GPC6: variants seen among roughly 807,000 people sequenced by gnomAD.
GPC6 encodes the protein glypican 6.
Under a neutral mutation model 55.2 loss-of-function variants are expected in GPC6, and 14 were observed. The ratio of observed to expected loss-of-function variants is 0.25; its 90% confidence interval spans 0.17 to 0.40. The LOEUF (loss-of-function observed/expected upper bound fraction) is 0.40. GPC6 is among the 10% of genes least tolerant of loss of function. The probability of loss-of-function intolerance (pLI) is 1.00; values close to 1 mark genes in which losing one functional copy is unlikely to be tolerated. For synonymous variants in GPC6, 278 were observed against 259.6 expected (o/e 1.07, Z -0.68); for missense variants, 641 against 708.5 (o/e 0.90, Z 1.08).
At chr13:94,253,741 A>ACT (rs1197865785) in intron 4 of GPC6, among the ~76,000 whole-genome samples, 2 of 152,094 alleles carry the variant, frequency 1.3e-5, no homozygotes, top group African/African-American at 2.4e-5. Flanking sequence ...GAAACCCAAG[A>ACT]CTAGATCAGG....
intron 1 of GPC6, among the ~76,000 whole-genome samples, chr13:93,337,786 G>T (rs1383701944): frequency 6.6e-6 from 1 of 152,154 alleles, no homozygotes; most frequent in African/African-American, 2.4e-5. Flanking sequence ...GGATCACAGG[G>T]TTTCCACTAC....
At chr13:94,401,936 TGATTGATTGATA>T (rs1283033480) in intron 8 of GPC6, among the ~76,000 whole-genome samples, 2 of 150,300 alleles carry the variant, frequency 1.3e-5, no homozygotes, top group East Asian at 3.9e-4. Context: ...TATGATTGAT[TGATTGATTGATA>T]GATAGATAGA....
chr13:94,166,127 C>T (rs1323343637), intron 4 of GPC6, among the ~76,000 whole-genome samples: 6 of 152,166 alleles, frequency 3.9e-5, no homozygotes, highest in African/African-American at 1.4e-4. Context: ...GGGATCCCTA[C>T]CTGACTCCTA....
At chr13:93,417,402 T>C (rs1876739528) in intron 1 of GPC6, among the ~76,000 whole-genome samples, 1 of 152,224 alleles carries the variant, frequency 6.6e-6, no homozygotes, top group East Asian at 1.9e-4. Context: ...CACATCATGA[T>C]ACTGAACCAG....
chr13:93,963,082 AC>A (rs1879861582), intron 3 of GPC6, among the ~76,000 whole-genome samples: 1 of 151,996 alleles, frequency 6.6e-6, no homozygotes, highest in Admixed American at 6.5e-5. Context: ...TATATTCTTT[AC>A]TTTCTGCTTA....
intron 3 of GPC6, among the ~76,000 whole-genome samples, chr13:93,853,578 T>A (rs780544036): frequency 1.3e-5 from 2 of 151,648 alleles, no homozygotes; most frequent in Admixed American, 1.3e-4. Flanking sequence ...AAAAAAAATA[T>A]GAATTTTAAA....
chr13:93,990,435 A>T (rs941023044), intron 3 of GPC6, among the ~76,000 whole-genome samples: 3 of 152,108 alleles, frequency 2.0e-5, no homozygotes, highest in East Asian at 1.9e-4. Flanking sequence ...ATAATATCTC[A>T]TGAGGATAAA....
rs183535064 is a variant in GPC6 at position 93,896,843 on chromosome 13, C to T, written c.711+66298C>T. 2.1e-4 allele frequency among the ~76,000 whole-genome samples: 32 copies of T among 151,996 alleles called. 1 individual carries two copies. The highest frequency in any genetic ancestry group is 7.0e-4 in the African/African-American group (29 of 41,494). On this transcript the variant is annotated intron_variant, in intron 3 of 8. Coordinates refer to ENST00000377047, the MANE Select transcript of GPC6 (RefSeq NM_005708.5). ...AATTTTCCGTGAATCCTGGAAACAC[C>T]AAGAGAAACAAAATAAAAATAGAGA...
chr13:93,836,485 C>G (rs79493513), intron 3 of GPC6, among the ~76,000 whole-genome samples: 1 of 151,870 alleles, frequency 6.6e-6, no homozygotes, highest in East Asian at 1.9e-4. Context: ...CACAAAAAGG[C>G]CTTAGGTGAA....
chr13:94,008,629 G>A (rs1882116724), intron 3 of GPC6, among the ~76,000 whole-genome samples: 1 of 152,174 alleles, frequency 6.6e-6, no homozygotes, highest in South Asian at 2.1e-4. Flanking sequence ...TCCAGCCTGG[G>A]TGACAGAGCA....
chr13:93,769,301 G>A (rs2138889453), intron 2 of GPC6, among the ~76,000 whole-genome samples: 1 of 152,234 alleles, frequency 6.6e-6, no homozygotes, highest in Non-Finnish European at 1.5e-5. Context: ...TAGCAAGAAG[G>A]AATGTACACG....
intron 3 of GPC6, among the ~76,000 whole-genome samples, chr13:93,932,973 C>CTTTTTTTTTTTTTTTTTTTTT (rs59362571): frequency 2.0e-5 from 2 of 102,380 alleles, no homozygotes; most frequent in Non-Finnish European, 2.0e-5. Flanking sequence ...TTGTTTTGTT[C>CTTTTTTTTTTTTTTTTTTTTT]TTTTTTTTTT....
intron 3 of GPC6, among the ~76,000 whole-genome samples, chr13:93,860,870 A>G (rs1888786679): frequency 6.6e-6 from 1 of 151,656 alleles, no homozygotes; most frequent in Admixed American, 6.6e-5. Context: ...TGCTCTCACT[A>G]TAGCAAAATG....
chr13:93,431,461 T>C (rs1410062431), intron 1 of GPC6, among the ~76,000 whole-genome samples: 1 of 152,156 alleles, frequency 6.6e-6, no homozygotes, highest in Non-Finnish European at 1.5e-5. Context: ...GATAATTCTT[T>C]AATATTGAAG....
intron 3 of GPC6, among the ~76,000 whole-genome samples, chr13:93,944,119 A>G (rs1878869834): frequency 6.6e-6 from 1 of 151,988 alleles, no homozygotes; most frequent in African/African-American, 2.4e-5. Context: ...GACTTCTATA[A>G]TTGCAGTCAA....
intron 4 of GPC6, among the ~76,000 whole-genome samples, chr13:94,224,818 G>A (rs1368093201): frequency 6.6e-6 from 1 of 152,066 alleles, no homozygotes; most frequent in Non-Finnish European, 1.5e-5. Flanking sequence ...ACTGTTGCAC[G>A]ACCTTTGTTC....
intron 4 of GPC6, among the ~76,000 whole-genome samples, chr13:94,163,889 A>C (rs909704220): frequency 5.3e-5 from 8 of 152,210 alleles, no homozygotes; most frequent in African/African-American, 1.7e-4. Context: ...GGACAATCAG[A>C]TACAGTATAG....
At chr13:93,857,047 A>G (rs1449808743) in intron 3 of GPC6, among the ~76,000 whole-genome samples, 1 of 151,690 alleles carries the variant, frequency 6.6e-6, no homozygotes, top group Non-Finnish European at 1.5e-5. Context: ...ATTTACAGCC[A>G]CATATCACTT....
At chr13:94,387,699 G>A (rs1481526206) in intron 7 of GPC6, among the ~76,000 whole-genome samples, 5 of 150,560 alleles carry the variant, frequency 3.3e-5, no homozygotes. Flanking sequence ...TCATTAATGG[G>A]ATTACTACCC....
Sources: gnomAD v4.1 joint callset for allele counts (sites outside exome capture counted in the v4.1 genomes callset) on GRCh38, gnomAD v4.1.1 for gene constraint, MANE v1.5 for transcripts, NCBI Gene and HGNC (gene_info 2026-07-23, HGNC 2026-07-21) for gene names.